ATAD3B: variants seen among roughly 807,000 people sequenced by gnomAD.
The protein encoded by ATAD3B is ATPase family AAA domain containing 3B.
In ATAD3B, 59 loss-of-function variants were observed where a neutral mutation model predicts 70.2. The observed-to-expected ratio is 0.84, with a 90% CI of 0.68 to 1.04. The LOEUF (loss-of-function observed/expected upper bound fraction) is 1.04. Among genes scored for constraint, ATAD3B ranks in the 50% least tolerant of loss-of-function variants. The pLI is 0.00. For synonymous variants in ATAD3B, 423 were observed against 388.6 expected (o/e 1.09, Z -1.04); for missense variants, 961 against 913.4 (o/e 1.05, Z -0.67).
At chr1:1,490,082 C>G in intron 13 of ATAD3B, 175 bp from the exon 14 acceptor site, 5 of 1,421,522 alleles carry the variant, frequency 3.5e-6, no homozygotes, top group Non-Finnish European at 4.6e-6. Context: ...CGTGGTGGGG[C>G]AGGCAGGCGG....
chr1:1,487,850 C>A lies in ATAD3B; in HGVS notation c.1215-13C>A. On this transcript the variant is annotated splice_polypyrimidine_tract_variant and intron_variant, in intron 11 of 15. Transcript: ENST00000673477. ...GTCACTCTCGCCTTGCTTGGCCTCT[C>A]TCTCGTTCACAGCCTCCTGCTCTTC... The A allele has an allele frequency of 1.2e-6, 2 of 1,612,856 alleles. No individual in the cohort carries two copies. Among genetic ancestry groups the A allele is most frequent in the Non-Finnish European group, 1.7e-6 (2 of 1,179,316 alleles).
chr1:1,503,460 A>G, the ATAD3B span: 2 of 804,042 alleles, frequency 2.5e-6, no homozygotes, highest in Non-Finnish European at 4.1e-6. Flanking sequence ...ATGGGGAGGC[A>G]GGGCTGGGGG....
At chr1:1,481,948 G>T (rs914561375) in intron 5 of ATAD3B, among the ~76,000 whole-genome samples, 190 bp from the exon 6 acceptor site, 1 of 138,210 alleles carries the variant, frequency 7.2e-6, no homozygotes, top group South Asian at 2.2e-4. Flanking sequence ...GGCGTGGGCC[G>T]GTCCGTGGTG....
At chr1:1,494,556 G>GTC (rs1465565566) in intron 15 of ATAD3B, among the ~76,000 whole-genome samples, 1 of 151,848 alleles carries the variant, frequency 6.6e-6, no homozygotes, top group Non-Finnish European at 1.5e-5. Context: ...TCCGGTCGGT[G>GTC]TCTCCCCACA....
Position 1,495,183 on chromosome 1 carries a change from C to G in ATAD3B, c.1615-302C>G, listed in dbSNP as rs1237368181. Among the ~76,000 whole-genome samples, 3 of 152,038 alleles carry G rather than the reference C, an allele frequency of 2.0e-5. No individual in the cohort carries two copies. In the East Asian group the frequency reaches 5.8e-4, roughly 29 times the overall value. On this transcript the variant is annotated intron_variant, in intron 15 of 15. Coordinates refer to ENST00000673477, the MANE Select transcript of ATAD3B (RefSeq NM_031921.6). ...ACTCGCAGAGGGTCTGCAGTTCCCA[C>G]CTGCCTCTCGGAAGCTGCCCTGGGT...
chr1:1,486,322 A>T, intron 10 of ATAD3B, 87 bp downstream of exon 10: 1 of 1,605,552 alleles, frequency 6.2e-7, no homozygotes, highest in South Asian at 1.1e-5. Context: ...CCGCCTGGGG[A>T]ATGGACCCCC....
chr1:1,501,399 C>A (rs1366012215), downstream of ATAD3B, among the ~76,000 whole-genome samples: 1 of 151,918 alleles, frequency 6.6e-6, no homozygotes, highest in Non-Finnish European at 1.5e-5. Context: ...GGACTACAGG[C>A]GCCTGCCACC....
At position 1,482,488 on chromosome 1, in the gene ATAD3B, C is replaced by T. The variant is rs1310466973; in HGVS notation, c.681-57C>T. On this transcript the variant is annotated intron_variant, in intron 6 of 15. Coordinates refer to ENST00000673477, the MANE Select transcript of ATAD3B (RefSeq NM_031921.6). The stretch of plus-strand genomic sequence containing the variant: ...CAGGGCCTCACCCTCAACCTGCTCT[C>T]GCTGCGTGGTACGGATCTTCGTGTC... 1.9e-5 allele frequency: 31 copies of T among 1,612,682 alleles called. 2 individuals carry two copies. The highest frequency in any genetic ancestry group is 2.5e-5 in the Non-Finnish European group (29 of 1,179,142).
Position 1,487,910 on chromosome 1 carries a change from C to A in ATAD3B, c.1262C>A (p.Ala421Asp), listed in dbSNP as rs769690327. ...GCAGACGCCTTCCTTCGGAAGCGAG[C>A]CACTGTGAGTGTCACTAAGCCTCTG... ...DEADAFLRKR[A>D]TEEISKDLRA... The change falls in exon 12 of 16, where the codon GCC becomes GAC. Residue 421 changes from alanine (A) to aspartate (D), a missense_variant. Physicochemically the swap from Ala to Asp is moderately radical, Grantham distance 126. Transcript: ENST00000673477. 1.2e-6 allele frequency: 2 copies of A among 1,612,988 alleles called. No individual in the cohort carries two copies. The highest frequency in any genetic ancestry group is 1.7e-5 in the Admixed American group (1 of 59,934).
intron 13 of ATAD3B, 199 bp from the exon 14 acceptor site, chr1:1,490,057 CG>C: frequency 1.4e-6 from 2 of 1,409,816 alleles, no homozygotes; most frequent in South Asian, 3.0e-5. Context: ...AGAAGCCGGG[CG>C]GGGGGCAGCT....
chr1:1,488,053 C>T (rs1272163805), intron 12 of ATAD3B, 139 bp downstream of exon 12: 1 of 1,234,724 alleles, frequency 8.1e-7, no homozygotes, highest in African/African-American at 1.5e-5. Context: ...CTCCTGGGTT[C>T]AAGCTGCTCT....
At chr1:1,479,890 G>A (rs1639813040) in intron 4 of ATAD3B, among the ~76,000 whole-genome samples, 1 of 134,216 alleles carries the variant, frequency 7.5e-6, no homozygotes, top group Non-Finnish European at 1.6e-5. Context: ...ACACGGGCAT[G>A]CACACGCCCA....
chr1:1,473,151 T>G (rs1265546264), intron 1 of ATAD3B, among the ~76,000 whole-genome samples: 2 of 138,920 alleles, frequency 1.4e-5, no homozygotes, highest in Non-Finnish European at 3.1e-5. Flanking sequence ...TTTTTTTTTT[T>G]TTTTTTTGAG....
chr1:1,487,769 C>A (rs1309693208), intron 11 of ATAD3B, 94 bp from the exon 12 acceptor site: 3 of 1,480,128 alleles, frequency 2.0e-6, no homozygotes, highest in East Asian at 4.5e-5. Context: ...CCGTGGGGAT[C>A]TGCCTGCCTG....
chr1:1,473,955 C>T lies in ATAD3B; in HGVS notation c.205+1866C>T, dbSNP rs949764976. Among the ~76,000 whole-genome samples, 5 of 152,134 alleles carry T rather than the reference C, an allele frequency of 3.3e-5. 1 individual carries two copies. The highest frequency in any genetic ancestry group is 9.6e-5 in the African/African-American group (4 of 41,530). ...TGGGGAACATCCTGAGCTGAGGTTTCTGGCCCCGGCTGGGTCTCATAACCC... is the reference window on the plus strand; with the variant it reads ...TGGGGAACATCCTGAGCTGAGGTTTTTGGCCCCGGCTGGGTCTCATAACCC... On this transcript the variant is annotated intron_variant, in intron 1 of 15. Coordinates refer to ENST00000673477, the MANE Select transcript of ATAD3B (RefSeq NM_031921.6).
intron 12 of ATAD3B, among the ~76,000 whole-genome samples, 165 bp downstream of exon 12, chr1:1,488,079 T>C (rs561250890): frequency 6.6e-6 from 1 of 151,780 alleles, no homozygotes; most frequent in East Asian, 1.9e-4. Context: ...CTCAGCCCCC[T>C]GAGTAGCTGG....
the ATAD3B span, among the ~76,000 whole-genome samples, chr1:1,508,312 G>C: frequency 1.3e-5 from 2 of 151,360 alleles, no homozygotes; most frequent in South Asian, 2.1e-4. Flanking sequence ...CGCTGGCAGA[G>C]GGGACGGGCA....
chr1:1,500,585 A>G (rs1384221494), downstream of ATAD3B, among the ~76,000 whole-genome samples: 1 of 150,604 alleles, frequency 6.6e-6, no homozygotes, highest in Non-Finnish European at 1.5e-5. Flanking sequence ...TGTGCTATTA[A>G]TAAGACTTCA....
In ATAD3B at chr1:1,490,200, C is replaced by T. The variant is rs577846700; in HGVS notation, c.1338-57C>T. ...GAGGGGGCTGAGGAGCCCCCGTTGC[C>T]CTCGGGGCATCTCAGCTGGCAGCCC... On this transcript the variant is annotated intron_variant, in intron 13 of 15. Coordinates refer to ENST00000673477, the MANE Select transcript of ATAD3B (RefSeq NM_031921.6). 355 of 1,589,206 alleles carry T rather than the reference C, an allele frequency of 2.2e-4. 6 individuals carry two copies. Among genetic ancestry groups the T allele is most frequent in the Admixed American group, 3.1e-4 (18 of 57,988 alleles).
Sources: gnomAD v4.1 joint callset for allele counts (sites outside exome capture counted in the v4.1 genomes callset) on GRCh38, gnomAD v4.1.1 for gene constraint, MANE v1.5 for transcripts, NCBI Gene and HGNC (gene_info 2026-07-23, HGNC 2026-07-21) for gene names.